The following RNF19B variants were observed in gnomAD, a reference collection of about 807,000 sequenced individuals.
RNF19B encodes E3 ubiquitin-protein ligase RNF19B.
RNF19B carries 23 observed loss-of-function variants against 65.5 expected under a neutral mutation model. That is an observed-to-expected ratio of 0.35 (90% CI 0.25 to 0.50). RNF19B has a LOEUF of 0.50. Among genes scored for constraint, RNF19B ranks in the 20% least tolerant of loss-of-function variants. RNF19B has a pLI of 0.98. For missense variants in RNF19B, 794 were observed against 980.0 expected (o/e 0.81, Z 2.53); for synonymous variants, 372 against 379.6 (o/e 0.98, Z 0.23).
At chr1:32,961,335 G>A (rs550850978) in intron 1 of RNF19B, among the ~76,000 whole-genome samples, 10 of 152,092 alleles carry the variant, frequency 6.6e-5, no homozygotes, top group Non-Finnish European at 1.0e-4. Context: ...TCAATAATGC[G>A]GCTATGTTGA....
Position 32,937,038 on chromosome 1 carries a change from CTGATGT to C in RNF19B, c.1958_1963del (p.Asp653_Ser655delinsGly). The C allele has an allele frequency of 6.2e-7, 1 of 1,614,204 alleles. No individual in the cohort carries two copies. The highest frequency in any genetic ancestry group is 8.5e-7 in the Non-Finnish European group (1 of 1,180,048). Reference sequence around the variant, plus strand: ...GCGGATGCTTTCAGGCTGGGCCAGGCTGATGTCCCAAGGTTTGCTGGCCAGGCAGTC... The same window carrying C: ...GCGGATGCTTTCAGGCTGGGCCAGGCCCCAAGGTTTGCTGGCCAGGCAGTC... On this transcript the variant is annotated inframe_deletion, in exon 9 of 9. Coordinates refer to ENST00000235150, the MANE Select transcript of RNF19B (RefSeq NM_001300826.2).
chr1:32,950,839 CATTCT>C (rs1642478410), intron 1 of RNF19B, among the ~76,000 whole-genome samples: 1 of 144,864 alleles, frequency 6.9e-6, no homozygotes, highest in Non-Finnish European at 1.5e-5. Flanking sequence ...GCTACCTTTT[CATTCT>C]TTTTTTTTTT....
downstream of RNF19B, among the ~76,000 whole-genome samples, chr1:32,934,612 C>T (rs1180844365): frequency 1.3e-5 from 2 of 151,994 alleles, no homozygotes; most frequent in Non-Finnish European, 2.9e-5. Context: ...ACCCGGGAGG[C>T]TGAGGTTGCA....
At chr1:32,937,684 G>A (rs1231599552) in intron 8 of RNF19B, among the ~76,000 whole-genome samples, 1 of 151,942 alleles carries the variant, frequency 6.6e-6, no homozygotes, top group Admixed American at 6.6e-5. Flanking sequence ...ACTCCAGCCT[G>A]GTTGACAGAG....
intron 2 of RNF19B, among the ~76,000 whole-genome samples, chr1:32,948,635 C>A (rs1190433443): frequency 6.6e-6 from 1 of 152,168 alleles, no homozygotes; most frequent in South Asian, 2.1e-4. Flanking sequence ...AAGGAGATTT[C>A]CTTAGGGAGA....
In RNF19B at chr1:32,964,289, G is replaced by A; in HGVS notation, c.397C>T (p.Arg133Cys). The change falls in exon 1 of 9, where the codon CGC becomes TGC. Residue 133 changes from arginine to cysteine, a missense_variant. By Grantham distance (180) the Arg-to-Cys change is radical. This residue lies in a region of RNF19B where 374 missense variants were observed against 423.8 expected (regional missense o/e 0.88). Coordinates refer to ENST00000235150, the MANE Select transcript of RNF19B (RefSeq NM_001300826.2). The surrounding 1 kb of genome is among the most constrained non-coding windows in gnomAD (Gnocchi z 6.5). ...LVRLPPERAP[R>C]LLSCPHRSCR... ...GAGCGGTGCGGACAGCTGAGGAGGCGCGGGGCCCGCTCAGGCGGCAGCCGC... is the reference window on the plus strand; with the variant it reads ...GAGCGGTGCGGACAGCTGAGGAGGCACGGGGCCCGCTCAGGCGGCAGCCGC... 1 of 1,524,896 alleles carries A rather than the reference G, an allele frequency of 6.6e-7. No homozygotes were observed. Among genetic ancestry groups the A allele is most frequent in the South Asian group, 1.2e-5 (1 of 82,046 alleles). The allele number at this position is 1,524,896 out of a possible 1,614,324, so 94.5% of individuals were successfully genotyped here. A position where few individuals can be genotyped will look rare whatever the true frequency, so the allele number is the denominator to read the frequency against.
Position 32,936,969 on chromosome 1 carries a change from T to TCTG in RNF19B, c.2030_2032dup (p.Pro677_Asp678insAla), listed in dbSNP as rs778843452. ...GGAGCCACACTCATCTGAGGTGATGTCTGGCACATCGTCTGACTGTGCATC... is the reference window on the plus strand; with the variant it reads ...GGAGCCACACTCATCTGAGGTGATGTCTGCTGGCACATCGTCTGACTGTGCATC... On this transcript the variant is annotated inframe_insertion, in exon 9 of 9. Coordinates refer to ENST00000235150, the MANE Select transcript of RNF19B (RefSeq NM_001300826.2). The TCTG allele has an allele frequency of 5.6e-6, 9 of 1,613,998 alleles. No individual in the cohort carries two copies. The Admixed American group carries it at 1.5e-4, about 27-fold the overall frequency.
Position 32,943,999 on chromosome 1 carries a change from A to C in RNF19B, c.1402+20T>G. The C allele has an allele frequency of 2.5e-6, 4 of 1,592,042 alleles. No individual in the cohort carries two copies. In the South Asian group the frequency reaches 3.4e-5, roughly 13 times the overall value. Reference sequence around the variant, plus strand: ...TTGTATATCATAAATTCAAATGGAAATAAACATCCTGCTTTTTACCTGTGA... The same window carrying C: ...TTGTATATCATAAATTCAAATGGAACTAAACATCCTGCTTTTTACCTGTGA... On this transcript the variant is annotated intron_variant, in intron 6 of 8. Transcript: ENST00000235150.
intron 4 of RNF19B, among the ~76,000 whole-genome samples, chr1:32,945,909 C>T (rs975947571): frequency 6.6e-6 from 1 of 151,660 alleles, no homozygotes; most frequent in African/African-American, 2.4e-5. Flanking sequence ...GTCATGCAGG[C>T]TGGAGTGCAG....
chr1:32,959,421 A>C (rs938126376), intron 1 of RNF19B, among the ~76,000 whole-genome samples: 1 of 152,184 alleles, frequency 6.6e-6, no homozygotes, highest in African/African-American at 2.4e-5. Flanking sequence ...TGAGAGGAAA[A>C]CATTACAGTT....
downstream of RNF19B, among the ~76,000 whole-genome samples, chr1:32,935,136 TTTA>T (rs1244578177): frequency 1.3e-5 from 2 of 151,020 alleles, no homozygotes; most frequent in Admixed American, 6.6e-5. Flanking sequence ...AGCCCATTAT[TTTA>T]TTTTTTATTT....
At chr1:32,963,308 C>T (rs906588474) in intron 1 of RNF19B, among the ~76,000 whole-genome samples, 1 of 152,196 alleles carries the variant, frequency 6.6e-6, no homozygotes, top group African/African-American at 2.4e-5. Context: ...CCTTCTTCTG[C>T]AATGCTAAGT....
At position 32,946,534 on chromosome 1, in the gene RNF19B, C is replaced by T. The variant is rs765651717; in HGVS notation, c.1014G>A (p.Lys338=). 2 of 1,614,128 alleles carry T rather than the reference C, an allele frequency of 1.2e-6. No homozygotes were observed. Among genetic ancestry groups the T allele is most frequent in the South Asian group, 1.1e-5 (1 of 91,064 alleles). ...GAATTTTCTTCTTACGGCTCCATGG[C>T]TTCTTGCCCCAGAATGTACAGCCAG... ...SPSGCTFWGK[K]PWSRKKKILW... The change falls in exon 4 of 9, where the codon AAG becomes AAA. Residue 338 remains lysine (K), a synonymous_variant. Transcript: ENST00000235150.
At chr1:32,956,358 C>CA (rs1397607274) in intron 1 of RNF19B, among the ~76,000 whole-genome samples, 5 of 152,226 alleles carry the variant, frequency 3.3e-5, no homozygotes, top group African/African-American at 9.6e-5. Flanking sequence ...GCCTGGGTGA[C>CA]AGAGTGAGAC....
chr1:32,942,133 C>G, intron 7 of RNF19B, 119 bp downstream of exon 7: 1 of 852,890 alleles, frequency 1.2e-6, no homozygotes, highest in Non-Finnish European at 1.8e-6. Context: ...AAAACAAAAC[C>G]ATTGACAATT....
chr1:32,964,545 G>A lies in RNF19B; in HGVS notation c.141C>T (p.Arg47=), dbSNP rs1292336363. Reference sequence around the variant, plus strand: ...GCTCGGCCTGCGGCTTGGCCCGGGCGCGGCGGCCGCGGGCCGAGGCAGAGA... The same window carrying A: ...GCTCGGCCTGCGGCTTGGCCCGGGCACGGCGGCCGCGGGCCGAGGCAGAGA... ...SVFSASARGR[R]ARAKPQAEPP... Residue 47 remains arginine, a synonymous_variant, in exon 1 of 9, where the codon CGC becomes CGT. Coordinates refer to ENST00000235150, the MANE Select transcript of RNF19B (RefSeq NM_001300826.2). The surrounding 1 kb of genome is among the most constrained non-coding windows in gnomAD (Gnocchi z 6.5). The A allele has an allele frequency of 3.3e-6, 4 of 1,211,578 alleles. No homozygotes were observed. The East Asian group carries it at 1.3e-4, about 38-fold the overall frequency. The allele number at this position is 1,211,578 out of a possible 1,614,324, so 75.1% of individuals were successfully genotyped here. A position where few individuals can be genotyped will look rare whatever the true frequency, so the allele number is the denominator to read the frequency against.
downstream of RNF19B, among the ~76,000 whole-genome samples, chr1:32,932,414 C>T (rs1375529019): frequency 6.6e-6 from 1 of 152,218 alleles, no homozygotes; most frequent in Non-Finnish European, 1.5e-5. Context: ...ACCCCTGAAT[C>T]ACTCCTCCTT....
At chr1:32,950,217 C>T (rs536111942) in intron 1 of RNF19B, among the ~76,000 whole-genome samples, 1 of 152,294 alleles carries the variant, frequency 6.6e-6, no homozygotes, top group Non-Finnish European at 1.5e-5. Context: ...AGGTGATCCA[C>T]CCGCCTCGGC....
chr1:32,948,134 G>A, intron 3 of RNF19B, 88 bp downstream of exon 3: 2 of 1,408,186 alleles, frequency 1.4e-6, no homozygotes, highest in Non-Finnish European at 2.0e-6. Flanking sequence ...CCTGTAATGA[G>A]AGAACGGATG....
Sources: gnomAD v4.1 joint callset for allele counts (sites outside exome capture counted in the v4.1 genomes callset) on GRCh38, gnomAD v4.1.1 for gene constraint, gnomAD v4.1.1 regional missense constraint, Gnocchi (gnomAD v3.1) non-coding constraint, MANE v1.5 for transcripts, NCBI Gene and HGNC (gene_info 2026-07-23, HGNC 2026-07-21) for gene names.